Variants in TLK1 observed in about 807,000 individuals in gnomAD.
TLK1 encodes the protein tousled like kinase 1, also known as serine/threonine-protein kinase tousled-like 1.
Under a neutral mutation model 105.3 loss-of-function variants are expected in TLK1, and 24 were observed. That is an observed-to-expected ratio of 0.23 (90% CI 0.17 to 0.32). TLK1 has a LOEUF of 0.32. TLK1 is among the 10% of genes least tolerant of loss of function. TLK1 has a pLI of 1.00. For synonymous variants in TLK1, 321 were observed against 310.4 expected, an observed-to-expected ratio of 1.03 and a Z score of -0.36; for missense variants, 558 against 910.5, an observed-to-expected ratio of 0.61 and a Z score of 4.98.
At chr2:170,998,675 C>CTCT (rs1269052768) in intron 18 of TLK1, among the ~76,000 whole-genome samples, 9 of 152,204 alleles carry the variant, frequency 5.9e-5, no homozygotes, top group African/African-American at 2.2e-4. Flanking sequence ...GCTCAAGGAA[C>CTCT]TCTTATTCAC....
intron 1 of TLK1, among the ~76,000 whole-genome samples, chr2:171,230,428 G>A (rs1693974332): frequency 6.6e-6 from 1 of 152,122 alleles, no homozygotes; most frequent in Non-Finnish European, 1.5e-5. Flanking sequence ...CCGAATTCCA[G>A]GGAAATAGCT....
intron 11 of TLK1, among the ~76,000 whole-genome samples, chr2:171,035,469 A>G (rs1017243245): frequency 6.6e-6 from 1 of 152,168 alleles, no homozygotes; most frequent in African/African-American, 2.4e-5. Context: ...GGAACTGTTA[A>G]GTCCATTAAA....
At chr2:171,029,245 G>C (rs971703177) in intron 11 of TLK1, among the ~76,000 whole-genome samples, 1 of 151,900 alleles carries the variant, frequency 6.6e-6, no homozygotes, top group Non-Finnish European at 1.5e-5. Flanking sequence ...TTTTTAAAAA[G>C]AGGAAAAAAA....
rs186103304 is a variant in TLK1, at chr2:171,184,961, C to G, written c.-6+46184G>C. On this transcript the variant is annotated intron_variant, in intron 1 of 20. Transcript: ENST00000521943. ...TCAGGCCATTCTCCTGCCTCAGACT[C>G]CCAAGAAGCTGGGACTACAGGTGCC... 3.4e-3 allele frequency among the ~76,000 whole-genome samples: 522 copies of G among 152,162 alleles called. 1 individual carries two copies. The highest frequency in any genetic ancestry group is 5.5e-3 in the Non-Finnish European group (376 of 68,014).
At chr2:171,222,520 C>G (rs4667678) in intron 1 of TLK1, among the ~76,000 whole-genome samples, 41,873 of 151,684 alleles carry the variant, frequency 0.28, 6,254 homozygotes, top group South Asian at 0.45. Context: ...TTTGTAGAGA[C>G]AGGGTTTTGC....
chr2:171,006,288 A>G lies in TLK1; in HGVS notation c.1769-6T>C. On this transcript the variant is annotated splice_polypyrimidine_tract_variant and splice_region_variant and intron_variant, in intron 17 of 20. Coordinates refer to ENST00000431350, the MANE Select transcript of TLK1 (RefSeq NM_012290.5). ...ATCTACCAGTAGGATGTTTCCTAAG[A>G]ATAAAATATAAGATTCTTTTAATGA... 6.3e-7 allele frequency: 1 copy of G among 1,577,470 alleles called. No homozygotes were observed. Among genetic ancestry groups the G allele is most frequent in the Non-Finnish European group, 8.6e-7 (1 of 1,168,058 alleles).
At chr2:171,083,966 G>A (rs1044182843) in intron 2 of TLK1, among the ~76,000 whole-genome samples, 4 of 152,246 alleles carry the variant, frequency 2.6e-5, no homozygotes, top group African/African-American at 9.6e-5. Flanking sequence ...GTGGCAAAGT[G>A]TTTGAGCATC....
intron 12 of TLK1, among the ~76,000 whole-genome samples, chr2:171,022,329 C>G (rs1010351506): frequency 1.3e-5 from 2 of 152,068 alleles, no homozygotes; most frequent in African/African-American, 4.8e-5. Context: ...CCACAGTCAT[C>G]TTTTTGGGAC....
chr2:171,090,204 TTAA>T (rs1205799070), intron 2 of TLK1, among the ~76,000 whole-genome samples: 2 of 152,104 alleles, frequency 1.3e-5, no homozygotes, highest in African/African-American at 4.8e-5. Flanking sequence ...TTATAAAGAT[TTAA>T]TAACATATTT....
chr2:171,115,718 G>C (rs911077423), intron 2 of TLK1, among the ~76,000 whole-genome samples: 1 of 152,110 alleles, frequency 6.6e-6, no homozygotes, highest in Non-Finnish European at 1.5e-5. Flanking sequence ...ACATAATCAG[G>C]TAACATAATG....
intron 1 of TLK1, among the ~76,000 whole-genome samples, chr2:171,169,036 C>T (rs1270206128): frequency 6.6e-6 from 1 of 151,810 alleles, no homozygotes; most frequent in Non-Finnish European, 1.5e-5. Context: ...CGAGATCTCG[C>T]CACTGCACTC....
intron 1 of TLK1, among the ~76,000 whole-genome samples, chr2:171,215,798 G>A (rs1338912860): frequency 6.6e-6 from 1 of 152,190 alleles, no homozygotes; most frequent in East Asian, 1.9e-4. Context: ...CGGAAGTTCG[G>A]TTCCTCTTAG....
intron 1 of TLK1, among the ~76,000 whole-genome samples, chr2:171,131,928 CA>C (rs1691121211): frequency 6.6e-6 from 1 of 151,872 alleles, no homozygotes; most frequent in Non-Finnish European, 1.5e-5. Context: ...AAAATGTGTA[CA>C]AAATCCTGAA....
intron 1 of TLK1, among the ~76,000 whole-genome samples, chr2:171,228,887 A>C (rs185639797): frequency 3.9e-5 from 6 of 152,338 alleles, no homozygotes; most frequent in Admixed American, 1.3e-4. Flanking sequence ...CTTTCTGTCA[A>C]TGCCTGCCTA....
chr2:171,222,464 A>G (rs4667677), intron 1 of TLK1, among the ~76,000 whole-genome samples: 151,535 of 152,264 alleles, frequency 1, 75,411 homozygotes, highest in Middle Eastern at 1. Context: ...CCCAGGAGCT[A>G]GAACCAAAGG....
intron 3 of TLK1, among the ~76,000 whole-genome samples, chr2:171,072,491 C>T (rs1251057530): frequency 6.6e-6 from 1 of 151,902 alleles, no homozygotes; most frequent in Non-Finnish European, 1.5e-5. Context: ...GGTGCAGTGG[C>T]TCACACCTGT....
intron 2 of TLK1, among the ~76,000 whole-genome samples, chr2:171,101,804 T>A (rs995132846): frequency 2.1e-4 from 32 of 152,026 alleles, no homozygotes; most frequent in African/African-American, 7.2e-4. Flanking sequence ...TAGGTTTTTT[T>A]AAAAAACACC....
intron 11 of TLK1, among the ~76,000 whole-genome samples, chr2:171,037,837 G>T (rs1686447994): frequency 6.6e-6 from 1 of 152,072 alleles, no homozygotes; most frequent in Non-Finnish European, 1.5e-5. Context: ...AATCTTTGTT[G>T]AGTTTTGACA....
At chr2:171,061,785 T>C (rs1687764264) in intron 3 of TLK1, among the ~76,000 whole-genome samples, 1 of 152,220 alleles carries the variant, frequency 6.6e-6, no homozygotes. Flanking sequence ...CTTTTAAATG[T>C]TTGAAATTTT....
Sources: gnomAD v4.1 joint callset for allele counts (sites outside exome capture counted in the v4.1 genomes callset) on GRCh38, gnomAD v4.1.1 for gene constraint, MANE v1.5 for transcripts, NCBI Gene and HGNC (gene_info 2026-07-23, HGNC 2026-07-21) for gene names.